UPRT: variants seen among roughly 807,000 people sequenced by gnomAD.
UPRT encodes the protein uracil phosphoribosyltransferase homolog.
In UPRT, 5 loss-of-function variants were observed where a neutral mutation model predicts 22.6. The ratio of observed to expected loss-of-function variants is 0.22; its 90% CI spans 0.12 to 0.47. The LOEUF is 0.47. UPRT is among the 20% of genes least tolerant of loss of function. The pLI, the probability that UPRT is intolerant of heterozygous loss-of-function variation, is 0.99. For synonymous variants in UPRT, 77 were observed against 87.7 expected, an observed-to-expected ratio of 0.88 and a Z score of 0.68; for missense variants, 181 against 239.9, an observed-to-expected ratio of 0.75 and a Z score of 1.62.
At chrX:75,231,875 C>G (rs2082439508) in intron 4 of UPRT, among the ~76,000 whole-genome samples, 1 of 112,198 alleles carries the variant, frequency 8.9e-6, no homozygotes, top group Non-Finnish European at 1.9e-5. Context: ...TAAAGTCTTT[C>G]TCAGACACAC....
intron 4 of UPRT, among the ~76,000 whole-genome samples, chrX:75,211,101 A>C (rs1484058490): frequency 1.8e-5 from 2 of 110,444 alleles, no homozygotes; most frequent in East Asian, 5.8e-4. Flanking sequence ...CAGATGAGAC[A>C]CCCGAGAGTG....
chrX:75,251,909 A>G (rs774177491), intron 4 of UPRT, among the ~76,000 whole-genome samples: 9 of 110,968 alleles, frequency 8.1e-5, no homozygotes, highest in African/African-American at 1.3e-4. Flanking sequence ...ATAATGCCGC[A>G]TATCTACAAC....
intron 4 of UPRT, among the ~76,000 whole-genome samples, chrX:75,234,094 T>G: frequency 9.1e-6 from 1 of 110,086 alleles, no homozygotes; most frequent in Non-Finnish European, 1.9e-5. Context: ...GAGGAAGATC[T>G]ACCAAGCAAA....
chrX:75,195,373 A>C (rs1046107633), intron 4 of UPRT, among the ~76,000 whole-genome samples: 3 of 112,313 alleles, frequency 2.7e-5, no homozygotes, highest in Non-Finnish European at 5.6e-5. Context: ...GCACCATCTC[A>C]TGGGCAAGAC....
chrX:75,264,487 T>C, intron 4 of UPRT, among the ~76,000 whole-genome samples: 2 of 111,712 alleles, frequency 1.8e-5, no homozygotes, highest in Non-Finnish European at 3.8e-5. Context: ...ATGGCCTTCT[T>C]TGTCTCTTTT....
intron 4 of UPRT, among the ~76,000 whole-genome samples, chrX:75,212,846 C>T (rs1323159787): frequency 8.9e-5 from 10 of 111,952 alleles, no homozygotes; most frequent in African/African-American, 3.2e-4. Context: ...GGGCTTAATA[C>T]TTAGGTGATG....
chrX:75,301,541 T>C (rs1374129505), intron 6 of UPRT, among the ~76,000 whole-genome samples: 6 of 112,011 alleles, frequency 5.4e-5, no homozygotes, highest in African/African-American at 1.6e-4. Flanking sequence ...TTCTAGGATG[T>C]TTATTGTAGA....
chrX:75,237,440 C>T lies in UPRT; in HGVS notation c.-446-53584C>T, dbSNP rs1445649308. Among the ~76,000 whole-genome samples, 3 of 111,302 alleles carry T rather than the reference C, an allele frequency of 2.7e-5. No homozygotes were observed. In the Admixed American group the frequency reaches 2.9e-4, roughly 11 times the overall value. Reference sequence around the variant, plus strand: ...GAAATACCATTTGACCCAGCCATCCCATTACTGGGTATATACCCAAAGGAC... The same window carrying T: ...GAAATACCATTTGACCCAGCCATCCTATTACTGGGTATATACCCAAAGGAC... On this transcript the variant is annotated intron_variant, in intron 4 of 13. Transcript: ENST00000652605.
At chrX:75,224,743 C>T (rs1402750176) in intron 4 of UPRT, among the ~76,000 whole-genome samples, 1 of 111,696 alleles carries the variant, frequency 9.0e-6, no homozygotes, top group African/African-American at 3.3e-5. Context: ...GTTTTATTCC[C>T]TGGTTCTCTC....
intron 4 of UPRT, among the ~76,000 whole-genome samples, chrX:75,171,276 AT>A (rs1036897296): frequency 3.1e-4 from 34 of 110,691 alleles, no homozygotes; most frequent in African/African-American, 1.0e-3. Flanking sequence ...TTTTAAAATT[AT>A]TTTTTCTTTG....
intron 1 of UPRT, among the ~76,000 whole-genome samples, chrX:75,286,336 A>G (rs1328467897): frequency 9.4e-6 from 1 of 106,696 alleles, no homozygotes; most frequent in Non-Finnish European, 1.9e-5. Flanking sequence ...ATTTTGATTT[A>G]CTTAATCTGG....
At chrX:75,182,824 C>A (rs1189245370) in intron 4 of UPRT, among the ~76,000 whole-genome samples, 1 of 110,047 alleles carries the variant, frequency 9.1e-6, no homozygotes, top group Non-Finnish European at 1.9e-5. Context: ...TTTTGTATGG[C>A]TTTAAACACC....
intron 4 of UPRT, among the ~76,000 whole-genome samples, chrX:75,187,757 CTTCATTTCA>C (rs953863183): frequency 2.0e-4 from 22 of 111,651 alleles, no homozygotes; most frequent in Non-Finnish European, 1.9e-5. Flanking sequence ...TCCCTTCTTG[CTTCATTTCA>C]TTCATTTCAT....
intron 1 of UPRT, among the ~76,000 whole-genome samples, chrX:75,279,283 A>G (rs1452762778): frequency 8.9e-6 from 1 of 111,939 alleles, no homozygotes; most frequent in Non-Finnish European, 1.9e-5. Context: ...AGCTTGCACA[A>G]AACCAAAATG....
intron 1 of UPRT, among the ~76,000 whole-genome samples, chrX:75,276,106 C>T (rs1219396553): frequency 9.0e-6 from 1 of 111,695 alleles, no homozygotes; most frequent in Non-Finnish European, 1.9e-5. Flanking sequence ...CCTGTGTCTC[C>T]TTTATGTACG....
intron 4 of UPRT, among the ~76,000 whole-genome samples, chrX:75,239,021 C>G (rs912564982): frequency 1.8e-5 from 2 of 110,932 alleles, no homozygotes; most frequent in African/African-American, 3.3e-5. Context: ...TGAAAGAGCA[C>G]AAACAGACAG....
chrX:75,170,433 T>C (rs2082224021), intron 4 of UPRT, among the ~76,000 whole-genome samples: 1 of 111,776 alleles, frequency 8.9e-6, no homozygotes, highest in South Asian at 3.8e-4. Context: ...TGGAATATCT[T>C]TTTCCACCCC....
intron 4 of UPRT, among the ~76,000 whole-genome samples, chrX:75,233,617 G>A (rs2082448035): frequency 9.0e-6 from 1 of 111,302 alleles, no homozygotes; most frequent in Non-Finnish European, 1.9e-5. Flanking sequence ...CCAGAAGAGA[G>A]TGGGGGCCAA....
At chrX:75,240,852 G>A (rs1164013644) in intron 4 of UPRT, among the ~76,000 whole-genome samples, 1 of 111,460 alleles carries the variant, frequency 9.0e-6, no homozygotes, top group East Asian at 2.8e-4. Context: ...TCAACAAATG[G>A]TGCTGGCATA....
Sources: gnomAD v4.1 joint callset for allele counts (sites outside exome capture counted in the v4.1 genomes callset) on GRCh38, gnomAD v4.1.1 for gene constraint, MANE v1.5 for transcripts, NCBI Gene and HGNC (gene_info 2026-07-23, HGNC 2026-07-21) for gene names.